The following ORC1 variants were observed in gnomAD, a reference collection of about 807,000 sequenced individuals.
ORC1 encodes the protein origin recognition complex, subunit 1 homolog.
ORC1 carries 61 observed loss-of-function variants against 98.9 expected under a neutral mutation model. The observed-to-expected ratio is 0.62, with a 90% CI of 0.50 to 0.76. The LOEUF is 0.76. Ranked by LOEUF, ORC1 falls within the 30% of genes least tolerant of loss-of-function variation. The probability of loss-of-function intolerance (pLI) is 0.00; values close to 1 mark genes in which losing one functional copy is unlikely to be tolerated. For missense variants in ORC1, 979 were observed against 1,072.2 expected (o/e 0.91, Z 1.21); for synonymous variants, 385 against 406.9 (o/e 0.95, Z 0.65).
Position 52,375,606 on chromosome 1 carries a change from G to A in ORC1, c.2134-7C>T, listed in dbSNP as rs1305211864. 1 of 1,613,410 alleles carries A rather than the reference G, an allele frequency of 6.2e-7. No individual in the cohort carries two copies. Among genetic ancestry groups the A allele is most frequent in the Non-Finnish European group, 8.5e-7 (1 of 1,179,942 alleles). ...CTCCAGACAGTGCTGCTACCTACAA[G>A]AGGGAATATTTTATTCCTGAGGCCA... On this transcript the variant is annotated splice_region_variant and splice_polypyrimidine_tract_variant and intron_variant, in intron 14 of 16. Transcript: ENST00000371568.
chr1:52,408,756 A>G (rs893749415), upstream of ORC1: 12 of 1,568,026 alleles, frequency 7.7e-6, no homozygotes, highest in East Asian at 2.2e-5. Context: ...CAGTACTTCT[A>G]CCTTTGCATT....
At chr1:52,399,401 G>A (rs1407231818) in intron 3 of ORC1, among the ~76,000 whole-genome samples, 1 of 151,718 alleles carries the variant, frequency 6.6e-6, no homozygotes, top group East Asian at 2.0e-4. Context: ...GAGGCGGGCG[G>A]ATCATGAGGT....
intron 6 of ORC1, among the ~76,000 whole-genome samples, chr1:52,391,022 A>G (rs115549980): frequency 1.3e-3 from 192 of 152,186 alleles, no homozygotes; most frequent in African/African-American, 4.2e-3. Flanking sequence ...AAAATCTAGA[A>G]GATAACGGGC....
At position 52,378,952 on chromosome 1, in the gene ORC1, G is replaced by T. The variant is rs1224484238; in HGVS notation, c.2133+2690C>A. Reference sequence around the variant, plus strand: ...GGAGGCTGAGGCAGGAGAATGGCATGAACCCAAGAGGTGGAGGTTGCAGTG... The same window carrying T: ...GGAGGCTGAGGCAGGAGAATGGCATTAACCCAAGAGGTGGAGGTTGCAGTG... On this transcript the variant is annotated intron_variant, in intron 14 of 16. Transcript: ENST00000371568. 4.0e-5 allele frequency among the ~76,000 whole-genome samples: 6 copies of T among 151,738 alleles called. No homozygotes were observed. The East Asian group carries it at 1.2e-3, about 30-fold the overall frequency.
intron 14 of ORC1, among the ~76,000 whole-genome samples, chr1:52,378,293 T>A (rs1569907260): frequency 6.8e-6 from 1 of 147,794 alleles, no homozygotes; most frequent in Non-Finnish European, 1.5e-5. Flanking sequence ...TGCAGTGAGC[T>A]GAGATCGTGC....
rs1557586074 is a variant in ORC1, at chr1:52,399,840, A to ACACACAC, written c.223+1521_223+1522insGTGTGTG. ...ACACACACACACACACACACACACA[A>ACACACAC]GAATTACAGCATCAACCACTGAGAT... On this transcript the variant is annotated intron_variant, in intron 3 of 16. Coordinates refer to ENST00000371568, the MANE Select transcript of ORC1 (RefSeq NM_004153.4). Among the ~76,000 whole-genome samples the ACACACAC allele has an allele frequency of 2.7e-3, 377 of 140,178 alleles. 4 individuals carry two copies. The highest frequency in any genetic ancestry group is 9.9e-3 in the African/African-American group (359 of 36,314). The allele number at this position is 140,178 out of a possible 152,430, so 92.0% of individuals were successfully genotyped here. A position where few individuals can be genotyped will look rare whatever the true frequency, so the allele number is the denominator to read the frequency against.
Position 52,373,373 on chromosome 1 carries a change from T to C in ORC1, c.2394A>G (p.Ile798Met), listed in dbSNP as rs776906781. The change falls in exon 17 of 17, where the codon ATA becomes ATG. Residue 798 changes from isoleucine to methionine, a missense_variant and splice_region_variant. Ile to Met is a conservative substitution (Grantham distance 10). Coordinates refer to ENST00000371568, the MANE Select transcript of ORC1 (RefSeq NM_004153.4). ...TGCACAGTGCCACATGTTGACTATA[T>C]ATCTAGACACAAATAGCAAGGCAAA... is the stretch of plus-strand genomic sequence containing the variant. ...SGLEEATFQQIYSQHVALCRM... is the reference protein window; with the variant it reads ...SGLEEATFQQMYSQHVALCRM... 11 of 1,613,124 alleles carry C rather than the reference T, an allele frequency of 6.8e-6. No individual in the cohort carries two copies. The highest frequency in any genetic ancestry group is 1.6e-4 in the Middle Eastern group (1 of 6,080).
rs1162398068 is a variant in ORC1, at chr1:52,401,398, G to C, written c.187C>G (p.Pro63Ala). 1 of 1,613,464 alleles carries C rather than the reference G, an allele frequency of 6.2e-7. No homozygotes were observed. The highest frequency in any genetic ancestry group is 1.1e-5 in the South Asian group (1 of 91,062). ...AACTCAAGCAATTTAGCAACATACG[G>C]GTTTTCATCATCATCCCCTTCAATC... Reference protein sequence around the residue: ...VLIEGDDDENPYVAKLLELFE... With the variant: ...VLIEGDDDENAYVAKLLELFE... The change falls in exon 3 of 17, where the codon CCG (proline) becomes GCG (alanine). Residue 63 changes from proline to alanine, a missense_variant. Coordinates refer to ENST00000371568, the MANE Select transcript of ORC1 (RefSeq NM_004153.4).
chr1:52,386,794 C>G (rs1356905157), intron 8 of ORC1, among the ~76,000 whole-genome samples: 1 of 151,840 alleles, frequency 6.6e-6, no homozygotes, highest in East Asian at 1.9e-4. Flanking sequence ...GTGAAAGCCC[C>G]CTCTAAATTA....
Position 52,373,198 on chromosome 1 carries a change from C to A in ORC1, c.2569G>T (p.Ala857Ser). 6.2e-7 allele frequency: 1 copy of A among 1,614,168 alleles called. No homozygotes were observed. The highest frequency in any genetic ancestry group is 1.1e-5 in the South Asian group (1 of 91,072). ...AAGCCCCTTTACTCGTCTTTCAGCG[C>A]ATACAGCACATCATCCTGGCTGACG... ...LNVSQDDVLY[A>S]LKDE Residue 857 changes from alanine (A) to serine (S), a missense_variant, in exon 17 of 17, where the codon GCG (alanine) becomes TCG (serine). Transcript: ENST00000371568.
At chr1:52,388,421 G>A in intron 8 of ORC1, 21 bp downstream of exon 8, 1 of 1,599,950 alleles carries the variant, frequency 6.3e-7, no homozygotes, top group Non-Finnish European at 8.6e-7. Context: ...TCAATGGGAA[G>A]TAAACCTAGA....
intron 9 of ORC1, 37 bp from the exon 10 acceptor site, chr1:52,385,299 T>C (rs781376961): frequency 8.4e-6 from 11 of 1,308,490 alleles, no homozygotes; most frequent in South Asian, 2.4e-5. Context: ...AGGAAGACTT[T>C]AGGAACATTC....
In ORC1 at chr1:52,384,615, G is replaced by A; in HGVS notation, c.1690C>T (p.Gln564Ter). The A allele has an allele frequency of 6.2e-7, 1 of 1,614,066 alleles. No individual in the cohort carries two copies. Among genetic ancestry groups the A allele is most frequent in the South Asian group, 1.1e-5 (1 of 91,080 alleles). Residue 564 changes from glutamine (Q) to a stop codon, truncating the protein, a stop_gained, in exon 11 of 17, where the codon CAA becomes TAA. Transcript: ENST00000371568. LOFTEE classifies it high-confidence loss of function. ...AAQANDVPPF[Q>*]YIEVNGMKLT... ...TTCATGCCATTGACCTCAATGTATT[G>A]AAAGGGAGGAACATCATTGGCTTGG...
In ORC1 at chr1:52,375,489, T is replaced by C; in HGVS notation, c.2244A>G (p.Ile748Met). ...QKPDSPGLVT[I>M]AHSMEAVDEM... The stretch of plus-strand genomic sequence containing the variant: ...CATCCACAGCTTCCATTGAGTGGGC[T>C]ATGGTGACCAGGCCAGGGGAGTCAG... Residue 748 changes from isoleucine to methionine, a missense_variant, in exon 15 of 17, where the codon ATA (isoleucine) becomes ATG (methionine). Physicochemically the swap from Ile to Met is conservative, Grantham distance 10. Coordinates refer to ENST00000371568, the MANE Select transcript of ORC1 (RefSeq NM_004153.4). 6.2e-7 allele frequency: 1 copy of C among 1,614,186 alleles called. No individual in the cohort carries two copies.
intron 9 of ORC1, 146 bp downstream of exon 9, chr1:52,385,706 C>T (rs1222779307): frequency 7.0e-6 from 5 of 717,518 alleles, no homozygotes; most frequent in East Asian, 5.4e-5. Flanking sequence ...TCTAAACATA[C>T]ACTCACTTTA....
At chr1:52,403,263 G>A (rs763646812) in intron 1 of ORC1, among the ~76,000 whole-genome samples, 2 of 152,184 alleles carry the variant, frequency 1.3e-5, no homozygotes, top group Non-Finnish European at 2.9e-5. Context: ...AAGATTAAGT[G>A]AAAAAATGCA....
intron 14 of ORC1, among the ~76,000 whole-genome samples, chr1:52,380,716 A>AT (rs1203056038): frequency 1.3e-5 from 2 of 151,998 alleles, no homozygotes; most frequent in African/African-American, 4.8e-5. Flanking sequence ...AAAGGGTGGC[A>AT]TAAAAAAAGG....
intron 8 of ORC1, among the ~76,000 whole-genome samples, chr1:52,387,278 A>T (rs372294334): frequency 3.9e-5 from 6 of 152,130 alleles, no homozygotes; most frequent in African/African-American, 1.4e-4. Context: ...TGTGTGTGCA[A>T]GGGATCTAGG....
intron 12 of ORC1, 128 bp from the exon 13 acceptor site, chr1:52,383,697 C>G (rs1181467677): frequency 7.7e-7 from 1 of 1,299,480 alleles, no homozygotes; most frequent in African/African-American, 1.5e-5. Context: ...AATCCATTGA[C>G]ACACGCCTCT....
Sources: gnomAD v4.1 joint callset for allele counts (sites outside exome capture counted in the v4.1 genomes callset) on GRCh38, gnomAD v4.1.1 for gene constraint, MANE v1.5 for transcripts, NCBI Gene and HGNC (gene_info 2026-07-23, HGNC 2026-07-21) for gene names.